Variants in CRACDL observed in about 807,000 individuals in gnomAD.
The protein encoded by CRACDL is CRACD like.
Under a neutral mutation model 70.6 loss-of-function variants are expected in CRACDL, and 26 were observed. That is an observed-to-expected ratio of 0.37 (90% CI 0.27 to 0.51). The LOEUF (loss-of-function observed/expected upper bound fraction) is 0.51, where lower values mean the gene tolerates loss of function less well. Ranked by LOEUF, CRACDL falls within the 20% of genes least tolerant of loss-of-function variation. CRACDL has a pLI of 0.94. For synonymous variants in CRACDL, 618 were observed against 615.2 expected (o/e 1.00, Z -0.07); for missense variants, 1,283 against 1,376.9 (o/e 0.93, Z 1.08).
chr2:98,803,447 A>C (rs1704165376), intron 7 of CRACDL, among the ~76,000 whole-genome samples: 1 of 152,216 alleles, frequency 6.6e-6, no homozygotes, highest in Non-Finnish European at 1.5e-5. Flanking sequence ...CTGATGCAGC[A>C]ATTTTTAAGA....
At chr2:98,896,923 G>A (rs1469867573) in intron 1 of CRACDL, among the ~76,000 whole-genome samples, 2 of 152,110 alleles carry the variant, frequency 1.3e-5, no homozygotes, top group East Asian at 3.9e-4. Flanking sequence ...CCCCTGGCAG[G>A]CATTGCTCAC....
At position 98,794,343 on chromosome 2, in the gene CRACDL, G is replaced by T; in HGVS notation, c.*189C>A. The stretch of plus-strand genomic sequence containing the variant: ...TGTTGTTCTTGTTTCTGGGCCCTCT[G>T]GCCCAGGAGTATGGCTGTGTGTTTA... On this transcript the variant is annotated 3_prime_UTR_variant, in exon 10 of 10. Coordinates refer to ENST00000397899, the MANE Select transcript of CRACDL (RefSeq NM_207362.3). The T allele has an allele frequency of 2.1e-6, 1 of 486,240 alleles. No individual in the cohort carries two copies. The highest frequency in any genetic ancestry group is 3.2e-5 in the East Asian group (1 of 31,272). 30.1% of individuals were successfully genotyped at this position (486,240 alleles called of 1,614,324 possible). A position where few individuals can be genotyped will look rare whatever the true frequency, so the allele number is the denominator to read the frequency against.
intron 1 of CRACDL, among the ~76,000 whole-genome samples, chr2:98,927,310 G>A (rs2104702713): frequency 6.6e-6 from 1 of 152,376 alleles, no homozygotes; most frequent in South Asian, 2.1e-4. Context: ...TTACCGGCGG[G>A]CCAGCTCTGC....
At chr2:98,871,195 G>A (rs1707334032) in intron 1 of CRACDL, among the ~76,000 whole-genome samples, 1 of 152,202 alleles carries the variant, frequency 6.6e-6, no homozygotes, top group African/African-American at 2.4e-5. Flanking sequence ...AAACGAAAAG[G>A]TCAGTGACAC....
At chr2:98,922,898 A>T (rs551498403) in intron 1 of CRACDL, among the ~76,000 whole-genome samples, 1 of 152,350 alleles carries the variant, frequency 6.6e-6, no homozygotes, top group East Asian at 1.9e-4. Flanking sequence ...GGAAGCTAAA[A>T]AGAAATGAAA....
At position 98,801,862 on chromosome 2, in the gene CRACDL, G is replaced by T. The variant is rs923777219; in HGVS notation, c.2417-4325C>A. Among the ~76,000 whole-genome samples the T allele has an allele frequency of 5.9e-5, 9 of 152,342 alleles. No individual in the cohort carries two copies. In the South Asian group the frequency reaches 6.2e-4, roughly 11 times the overall value. ...GCCACAATTGCTGCTGTTGTTATGT[G>T]CTTGTTGCTAGTGTTGTTATTGTTC... On this transcript the variant is annotated intron_variant, in intron 7 of 9. Transcript: ENST00000397899.
intron 1 of CRACDL, among the ~76,000 whole-genome samples, chr2:98,878,326 T>C (rs1329474688): frequency 6.6e-6 from 1 of 152,228 alleles, no homozygotes; most frequent in Non-Finnish European, 1.5e-5. Flanking sequence ...CTTTTTACTA[T>C]CCCTTTTCTA....
chr2:98,802,558 C>A (rs764234885), intron 7 of CRACDL, among the ~76,000 whole-genome samples: 2 of 151,614 alleles, frequency 1.3e-5, no homozygotes, highest in African/African-American at 4.9e-5. Flanking sequence ...TTCAACTACG[C>A]CTACGTGGGA....
At chr2:98,909,261 A>G (rs1289894521) in intron 1 of CRACDL, among the ~76,000 whole-genome samples, 1 of 152,224 alleles carries the variant, frequency 6.6e-6, no homozygotes, top group East Asian at 1.9e-4. Flanking sequence ...TGATATTTGC[A>G]TTTGATTCCC....
rs1705177578 is a variant in CRACDL, at chr2:98,823,369, G to A, written c.904C>T (p.Pro302Ser). Reference sequence around the variant, plus strand: ...GCGCGTCTGGCACGGGCCCCTCCGGGTGGCGGCAAGGGCGCCGGTGGCCCA... The same window carrying A: ...GCGCGTCTGGCACGGGCCCCTCCGGATGGCGGCAAGGGCGCCGGTGGCCCA... ...EPGPPAPLPPPGGARARRARL... is the reference protein window; with the variant it reads ...EPGPPAPLPPSGGARARRARL... The change falls in exon 7 of 10, where the codon CCC becomes TCC. Residue 302 changes from proline to serine, a missense_variant. Coordinates refer to ENST00000397899, the MANE Select transcript of CRACDL (RefSeq NM_207362.3). This position sits in a 1 kb window ranked among gnomAD's most constrained non-coding sequence, Gnocchi z 4.0. The A allele has an allele frequency of 6.5e-7, 1 of 1,531,474 alleles. No homozygotes were observed. Among genetic ancestry groups the A allele is most frequent in the Non-Finnish European group, 8.7e-7 (1 of 1,146,414 alleles). The allele number at this position is 1,531,474 out of a possible 1,614,324, so 94.9% of individuals were successfully genotyped here.
At chr2:98,889,247 G>C (rs1707887500) in intron 1 of CRACDL, among the ~76,000 whole-genome samples, 1 of 148,000 alleles carries the variant, frequency 6.8e-6, no homozygotes, top group South Asian at 2.2e-4. Flanking sequence ...AAAAGAAAGA[G>C]AGAAAGAGAA....
chr2:98,875,830 G>C (rs549983166), intron 1 of CRACDL, among the ~76,000 whole-genome samples: 31 of 152,344 alleles, frequency 2.0e-4, no homozygotes, highest in African/African-American at 6.5e-4. Flanking sequence ...CAGCTAATGA[G>C]ATTACACATT....
intron 7 of CRACDL, among the ~76,000 whole-genome samples, chr2:98,810,146 G>A (rs1704494868): frequency 6.6e-6 from 1 of 152,162 alleles, no homozygotes; most frequent in Non-Finnish European, 1.5e-5. Context: ...AACAGAGGAA[G>A]AAAAACCCTG....
Position 98,821,983 on chromosome 2 carries a change from G to C in CRACDL, c.2290C>G (p.Arg764Gly). Residue 764 changes from arginine (R) to glycine (G), a missense_variant, in exon 7 of 10, where the codon CGG becomes GGG. Arg to Gly is a moderately radical substitution (Grantham distance 125). This residue lies in a region of CRACDL where 921 missense variants were observed against 881.9 expected (regional missense o/e 1.04). Transcript: ENST00000397899. ...EPLSSKPPLPRKPLLQSFTLP... is the reference protein window; with the variant it reads ...EPLSSKPPLPGKPLLQSFTLP... ...GTGAAGCTCTGCAGAAGCGGCTTCCGGGGCAGGGGCGGCTTGGAGCTGAGC... is the reference window on the plus strand; with the variant it reads ...GTGAAGCTCTGCAGAAGCGGCTTCCCGGGCAGGGGCGGCTTGGAGCTGAGC... 1 of 1,528,904 alleles carries C rather than the reference G, an allele frequency of 6.5e-7. No individual in the cohort carries two copies. The highest frequency in any genetic ancestry group is 8.8e-7 in the Non-Finnish European group (1 of 1,138,870). 94.7% of individuals were successfully genotyped at this position (1,528,904 alleles called of 1,614,324 possible).
chr2:98,797,476 C>G lies in CRACDL; in HGVS notation c.2478G>C (p.Trp826Cys). ...PGADGQPAPP[W>C]ITVTRQKRRG... Reference sequence around the variant, plus strand: ...TCCGCTTCTGCCGAGTGACGGTGATCCAGGGTGGCGCAGGCTGCCCATCAG... The same window carrying G: ...TCCGCTTCTGCCGAGTGACGGTGATGCAGGGTGGCGCAGGCTGCCCATCAG... Residue 826 changes from tryptophan (W) to cysteine (C), a missense_variant, in exon 8 of 10, where the codon TGG becomes TGC. This residue lies in a region of CRACDL where 921 missense variants were observed against 881.9 expected (regional missense o/e 1.04). Coordinates refer to ENST00000397899, the MANE Select transcript of CRACDL (RefSeq NM_207362.3). 1 of 1,614,250 alleles carries G rather than the reference C, an allele frequency of 6.2e-7. No homozygotes were observed. The highest frequency in any genetic ancestry group is 8.5e-7 in the Non-Finnish European group (1 of 1,180,054).
At chr2:98,838,032 G>A in intron 3 of CRACDL, 87 bp downstream of exon 3, 1 of 1,194,616 alleles carries the variant, frequency 8.4e-7, no homozygotes, top group South Asian at 1.6e-5. Context: ...CAGGAGGAAA[G>A]GGGGCTCAGA....
intron 7 of CRACDL, among the ~76,000 whole-genome samples, chr2:98,819,812 ATTC>A (rs1314815009): frequency 2.6e-5 from 3 of 117,084 alleles, no homozygotes; most frequent in South Asian, 5.1e-4. Flanking sequence ...AGCCTGAAAC[ATTC>A]TTTTTTTTTT....
intron 2 of CRACDL, chr2:98,840,636 A>T (rs1050642000): frequency 5.3e-5 from 8 of 152,168 alleles, no homozygotes; most frequent in South Asian, 2.1e-4. Context: ...ATTTATCTTT[A>T]GTTGTCAATT....
At chr2:98,859,559 CATT>C (rs756107188) in intron 1 of CRACDL, among the ~76,000 whole-genome samples, 2 of 152,182 alleles carry the variant, frequency 1.3e-5, no homozygotes, top group Non-Finnish European at 2.9e-5. Context: ...ACAACTATTA[CATT>C]ATTATCTCAG....
Sources: allele counts gnomAD v4.1 joint callset (sites outside exome capture counted in the v4.1 genomes callset), GRCh38; gene constraint gnomAD v4.1.1; regional missense constraint gnomAD v4.1.1; non-coding constraint Gnocchi (gnomAD v3.1); transcripts MANE v1.5; gene names NCBI Gene and HGNC (gene_info 2026-07-23, HGNC 2026-07-21).